CANX: variants seen among roughly 807,000 people sequenced by gnomAD.
CANX encodes calnexin.
A neutral mutation model predicts 75.7 loss-of-function variants in CANX; 14 were observed. That is an observed-to-expected ratio of 0.19 (90% CI 0.12 to 0.29). The LOEUF (loss-of-function observed/expected upper bound fraction) is 0.29. CANX is among the 10% of genes least tolerant of loss of function. The pLI is 1.00. For missense variants in CANX, 567 were observed against 713.2 expected (o/e 0.79, Z 2.34); for synonymous variants, 227 against 236.9 (o/e 0.96, Z 0.38).
intron 1 of CANX, among the ~76,000 whole-genome samples, chr5:179,684,024 A>G (rs1180233722): frequency 1.3e-5 from 2 of 152,132 alleles, no homozygotes; most frequent in African/African-American, 4.8e-5. Context: ...TTTGGGGGCT[A>G]TTGCAAATAA....
chr5:179,711,156 G>C (rs1210818881), intron 7 of CANX, among the ~76,000 whole-genome samples: 1 of 152,148 alleles, frequency 6.6e-6, no homozygotes, highest in East Asian at 1.9e-4. Flanking sequence ...ACGTATGGTG[G>C]CCCACACCTG....
chr5:179,707,605 A>ATT (rs1177946391), intron 4 of CANX, among the ~76,000 whole-genome samples: 1 of 133,414 alleles, frequency 7.5e-6, no homozygotes, highest in Non-Finnish European at 1.6e-5. Context: ...AAAAAAAAAG[A>ATT]TTTTTCCATG....
chr5:179,698,339 G>A, upstream of CANX: 1 of 1,014,470 alleles, frequency 9.9e-7, no homozygotes, highest in Non-Finnish European at 1.3e-6. Context: ...TGTTATGCTG[G>A]GCGACGAGGC....
chr5:179,727,562 G>A (rs900605821), intron 14 of CANX, among the ~76,000 whole-genome samples: 1 of 152,138 alleles, frequency 6.6e-6, no homozygotes, highest in African/African-American at 2.4e-5. Context: ...AGAAAAGAAG[G>A]GTGGAGAAGG....
intron 1 of CANX, among the ~76,000 whole-genome samples, chr5:179,703,406 C>T (rs931062734): frequency 6.6e-6 from 1 of 151,812 alleles, no homozygotes; most frequent in African/African-American, 2.4e-5. Flanking sequence ...TTAGTAGAAA[C>T]GGAGTTTCAT....
intron 4 of CANX, 98 bp downstream of exon 4, chr5:179,707,288 C>G (rs949926186): frequency 1.3e-4 from 100 of 781,212 alleles, no homozygotes; most frequent in Middle Eastern, 2.5e-4. Flanking sequence ...ACATAGTAGG[C>G]TTTAAGATTT....
intron 1 of CANX, among the ~76,000 whole-genome samples, chr5:179,687,362 CA>C (rs1776208485): frequency 6.6e-6 from 1 of 152,150 alleles, no homozygotes; most frequent in African/African-American, 2.4e-5. Flanking sequence ...CTCGGCCTCC[CA>C]AAGTGCTGGG....
intron 3 of CANX, 22 bp from the exon 4 acceptor site, chr5:179,707,110 T>G (rs1017111721): frequency 1.3e-6 from 2 of 1,482,470 alleles, no homozygotes; most frequent in South Asian, 2.3e-5. Flanking sequence ...TTAAGACTGA[T>G]TTTGGGATTT....
rs766069353 is a variant in CANX, at chr5:179,728,656, G to C, written c.*12G>C. 3 of 1,598,360 alleles carry C rather than the reference G, an allele frequency of 1.9e-6. No individual in the cohort carries two copies. The highest frequency in any genetic ancestry group is 2.2e-5 in the South Asian group (2 of 90,692). ...CACGAAGAGAGTGAAACAATCTTAA[G>C]AGCTTGATCTGTGATTTCTTCTCCC... is the stretch of plus-strand genomic sequence containing the variant. On this transcript the variant is annotated 3_prime_UTR_variant, in exon 15 of 15. Transcript: ENST00000247461.
chr5:179,723,224 GTT>G (rs536166645), intron 11 of CANX, among the ~76,000 whole-genome samples: 1 of 147,750 alleles, frequency 6.8e-6, no homozygotes, highest in Non-Finnish European at 1.5e-5. Flanking sequence ...TGTGTTCAGG[GTT>G]TTTTTTTTAT....
chr5:179,678,686 A>G (rs975006182), exon 1 of CANX: 1 of 1,536,142 alleles, frequency 6.5e-7, no homozygotes. Flanking sequence ...AGCCGTCGGG[A>G]TCACCTCGGG....
intron 6 of CANX, among the ~76,000 whole-genome samples, chr5:179,709,296 C>G (rs1418246078): frequency 6.6e-6 from 1 of 152,100 alleles, no homozygotes; most frequent in African/African-American, 2.4e-5. Context: ...CGCCTGTAGT[C>G]CCAGCCACTT....
intron 14 of CANX, among the ~76,000 whole-genome samples, chr5:179,727,237 G>T (rs903784078): frequency 6.6e-6 from 1 of 152,198 alleles, no homozygotes; most frequent in African/African-American, 2.4e-5. Context: ...TGCCTTTAGG[G>T]AGCTTAAATT....
At position 179,728,734 on chromosome 5, in the gene CANX, CAT is replaced by C; in HGVS notation, c.*91_*92del. ...GAGGACCTGGCACACCTTAGGTTGA[CAT>C]TCAGAAAACTTCAAGACATCACCAT... On this transcript the variant is annotated 3_prime_UTR_variant, in exon 15 of 15. Coordinates refer to ENST00000247461, the MANE Select transcript of CANX (RefSeq NM_001746.4). The C allele has an allele frequency of 1.1e-6, 1 of 883,296 alleles. No homozygotes were observed. Among genetic ancestry groups the C allele is most frequent in the Non-Finnish European group, 1.9e-6 (1 of 525,634 alleles). 54.7% of individuals were successfully genotyped at this position (883,296 alleles called of 1,614,324 possible).
At chr5:179,691,449 G>A (rs1215347930) in intron 1 of CANX, among the ~76,000 whole-genome samples, 2 of 152,056 alleles carry the variant, frequency 1.3e-5, no homozygotes, top group African/African-American at 4.8e-5. Context: ...CTTCATGCCT[G>A]TAATCCCAGC....
intron 10 of CANX, 57 bp from the exon 11 acceptor site, chr5:179,722,747 C>T: frequency 8.1e-7 from 1 of 1,232,902 alleles, no homozygotes; most frequent in Non-Finnish European, 1.2e-6. Context: ...GTAGATTCAC[C>T]ATAAACTTTT....
chr5:179,714,780 G>A (rs1777818173), intron 7 of CANX, among the ~76,000 whole-genome samples: 1 of 152,162 alleles, frequency 6.6e-6, no homozygotes, highest in African/African-American at 2.4e-5. Flanking sequence ...GCCTCCCAAA[G>A]TGCTGGGATT....
intron 7 of CANX, among the ~76,000 whole-genome samples, chr5:179,710,522 A>G (rs866290267): frequency 1.4e-4 from 21 of 150,368 alleles, no homozygotes; most frequent in African/African-American, 4.9e-4. Context: ...CCTGGCTAAC[A>G]TGGTGAAACC....
chr5:179,723,856 C>A, intron 12 of CANX, 77 bp downstream of exon 12: 1 of 1,348,010 alleles, frequency 7.4e-7, no homozygotes, highest in Non-Finnish European at 1.0e-6. Flanking sequence ...AGATATGTTG[C>A]CTGAGGTTTT....
Sources: allele counts gnomAD v4.1 joint callset (sites outside exome capture counted in the v4.1 genomes callset), GRCh38; gene constraint gnomAD v4.1.1; transcripts MANE v1.5; gene names NCBI Gene and HGNC (gene_info 2026-07-23, HGNC 2026-07-21).